ERFL: variants seen among roughly 807,000 people sequenced by gnomAD.
ERFL encodes ETS repressor factor like.
In ERFL, 8 loss-of-function variants were observed where a neutral mutation model predicts 27.9. That is an observed-to-expected ratio of 0.29 (90% CI 0.17 to 0.52). The LOEUF is 0.52. Ranked by LOEUF, ERFL falls within the 20% of genes least tolerant of loss-of-function variation. The pLI, the probability that ERFL is intolerant of heterozygous loss-of-function variation, is 0.97. For missense variants in ERFL, 294 were observed against 444.4 expected (o/e 0.66, Z 3.04); for synonymous variants, 174 against 202.8 (o/e 0.86, Z 1.21).
Position 41,917,364 on chromosome 19 carries a change from C to T in ERFL, c.-13-4432G>A, listed in dbSNP as rs1289042549. Among the ~76,000 whole-genome samples, 1 of 152,008 alleles carries T rather than the reference C, an allele frequency of 6.6e-6. No homozygotes were observed. The highest frequency in any genetic ancestry group is 2.4e-5 in the African/African-American group (1 of 41,350). On this transcript the variant is annotated intron_variant, in intron 1 of 5. Transcript: ENST00000597630. The surrounding 1 kb of genome is among the most constrained non-coding windows in gnomAD (Gnocchi z 4.8). ...TCCTAACGCCCCATCACCACGCCCC[C>T]CTGGGCTGGGGTTTAACCAGTTGTT... is the stretch of plus-strand genomic sequence containing the variant.
At chr19:41,923,226 G>C in intron 1 of ERFL, 2 of 455,858 alleles carry the variant, frequency 4.4e-6, no homozygotes, top group South Asian at 1.6e-5. Flanking sequence ...GCCTGGACTT[G>C]AATGCAGGTC....
At chr19:41,913,820 A>G (rs191715782) in intron 1 of ERFL, among the ~76,000 whole-genome samples, 296 of 141,286 alleles carry the variant, frequency 2.1e-3, no homozygotes, top group African/African-American at 7.4e-3. Flanking sequence ...CACCCTTGCA[A>G]TCCACTCCCT....
intron 1 of ERFL, among the ~76,000 whole-genome samples, chr19:41,920,001 TGAC>T (rs1354797604): frequency 8.1e-6 from 1 of 123,302 alleles, no homozygotes; most frequent in Non-Finnish European, 1.7e-5. Flanking sequence ...CACCCAGACA[TGAC>T]GAACTCACAG....
At chr19:41,919,184 A>G (rs1403148294) in intron 1 of ERFL, among the ~76,000 whole-genome samples, 1 of 152,034 alleles carries the variant, frequency 6.6e-6, no homozygotes. Context: ...TCAATACCAC[A>G]CCTTGTAATC....
rs1186803622 is a variant in ERFL, at chr19:41,907,836, C to A, written c.*392G>T. On this transcript the variant is annotated 3_prime_UTR_variant, in exon 6 of 6. Coordinates refer to ENST00000597630, the MANE Select transcript of ERFL (RefSeq NM_001365103.2). ...GGGGTTATTGCTCTGAGCTCCCTGTCCCCAGGGGGGCCTATATGGGGGGGG... is the reference window on the plus strand; with the variant it reads ...GGGGTTATTGCTCTGAGCTCCCTGTACCCAGGGGGGCCTATATGGGGGGGG... 2.2e-5 allele frequency: 4 copies of A among 180,108 alleles called. No individual in the cohort carries two copies. Among genetic ancestry groups the A allele is most frequent in the Admixed American group, 6.2e-5 (1 of 16,116 alleles). 11.2% of individuals were successfully genotyped at this position (180,108 alleles called of 1,614,324 possible). A position where few individuals can be genotyped will look rare whatever the true frequency, so the allele number is the denominator to read the frequency against.
At position 41,916,506 on chromosome 19, in the gene ERFL, TCA is replaced by T. The variant is rs1555851955; in HGVS notation, c.-13-3576_-13-3575del. ...ACACACATGACACATCAATTCAATC[TCA>T]CACAGAAACAAAGACACAAAATCAC... On this transcript the variant is annotated intron_variant, in intron 1 of 5. Coordinates refer to ENST00000597630, the MANE Select transcript of ERFL (RefSeq NM_001365103.2). This position sits in a 1 kb window ranked among gnomAD's most constrained non-coding sequence, Gnocchi z 5.4. Among the ~76,000 whole-genome samples, 2 of 151,034 alleles carry T rather than the reference TCA, an allele frequency of 1.3e-5. No homozygotes were observed. Among genetic ancestry groups the T allele is most frequent in the African/African-American group, 4.9e-5 (2 of 40,964 alleles).
intron 1 of ERFL, among the ~76,000 whole-genome samples, chr19:41,920,123 T>C (rs571127424): frequency 3.3e-5 from 3 of 91,044 alleles, no homozygotes; most frequent in African/African-American, 1.4e-4. Context: ...CATGACACGC[T>C]CACACATGCG....
At chr19:41,915,936 C>A (rs1034257799) in intron 1 of ERFL, among the ~76,000 whole-genome samples, 8 of 152,076 alleles carry the variant, frequency 5.3e-5, no homozygotes, top group South Asian at 2.1e-4. Context: ...TCCCCCACCC[C>A]CCTCCCCCCC....
At chr19:41,920,067 T>C (rs2074830306) in intron 1 of ERFL, among the ~76,000 whole-genome samples, 2 of 115,276 alleles carry the variant, frequency 1.7e-5, no homozygotes, top group Non-Finnish European at 3.4e-5. Flanking sequence ...CACCCAGATG[T>C]GACACACTCA....
intron 1 of ERFL, among the ~76,000 whole-genome samples, chr19:41,919,711 G>A (rs2074826828): frequency 1.3e-5 from 2 of 152,178 alleles, no homozygotes; most frequent in South Asian, 4.2e-4. Context: ...CCAGCTGCCG[G>A]GGTCCTCTCA....
Position 41,908,412 on chromosome 19 carries a change from GCCAGGCCCGAGGGGCGCTCGGGGC to G in ERFL, c.857_880del (p.Gly286_Leu293del). The G allele has an allele frequency of 8.1e-7, 1 of 1,231,240 alleles. No individual in the cohort carries two copies. The highest frequency in any genetic ancestry group is 1.0e-6 in the Non-Finnish European group (1 of 987,628). 76.3% of individuals were successfully genotyped at this position (1,231,240 alleles called of 1,614,324 possible). Reference sequence around the variant, plus strand: ...TGGCAGCGCCAGGCGAGGGGCCGCTGCCAGGCCCGAGGGGCGCTCGGGGCCCAGGCCCTCCCCTGTCGAGGCCAG... The same window carrying G: ...TGGCAGCGCCAGGCGAGGGGCCGCTGCCAGGCCCTCCCCTGTCGAGGCCAG... On this transcript the variant is annotated inframe_deletion, in exon 6 of 6. Coordinates refer to ENST00000597630, the MANE Select transcript of ERFL (RefSeq NM_001365103.2). The surrounding 1 kb of genome is among the most constrained non-coding windows in gnomAD (Gnocchi z 6.7).
intron 2 of ERFL, 66 bp downstream of exon 2, chr19:41,912,787 G>C: frequency 1.8e-6 from 1 of 550,686 alleles, no homozygotes; most frequent in Non-Finnish European, 2.7e-6. Flanking sequence ...GGAGAGAAGG[G>C]GGATGCGGCT....
At chr19:41,919,669 C>T (rs2074825877) in intron 1 of ERFL, among the ~76,000 whole-genome samples, 1 of 152,118 alleles carries the variant, frequency 6.6e-6, no homozygotes, top group Non-Finnish European at 1.5e-5. Context: ...GGCTCTTCCT[C>T]AGCTGCGTCC....
In ERFL at chr19:41,921,374, C is replaced by T. The variant is rs139793677; in HGVS notation, c.-14+6666G>A. Among the ~76,000 whole-genome samples, 7 of 151,998 alleles carry T rather than the reference C, an allele frequency of 4.6e-5. No individual in the cohort carries two copies. The highest frequency in any genetic ancestry group is 3.9e-4 in the East Asian group (2 of 5,172). On this transcript the variant is annotated intron_variant, in intron 1 of 5. Coordinates refer to ENST00000597630, the MANE Select transcript of ERFL (RefSeq NM_001365103.2). This position sits in a 1 kb window ranked among gnomAD's most constrained non-coding sequence, Gnocchi z 4.4. ...ACGGAGGGAGATGGAGGGGGATAGG[C>T]GGGACATGGGGAACCCCACCAGGGG...
Position 41,909,851 on chromosome 19 carries a change from G to A in ERFL, c.302+12C>T. 6.2e-7 allele frequency: 1 copy of A among 1,600,062 alleles called. No homozygotes were observed. Reference sequence around the variant, plus strand: ...AGGACAAGGTGGGATCCAGCCCCAAGCCCTTCCTCACCGCAGGGCCCGGCT... The same window carrying A: ...AGGACAAGGTGGGATCCAGCCCCAAACCCTTCCTCACCGCAGGGCCCGGCT... On this transcript the variant is annotated intron_variant, in intron 3 of 5. Transcript: ENST00000597630. This position sits in a 1 kb window ranked among gnomAD's most constrained non-coding sequence, Gnocchi z 5.2.
In ERFL at chr19:41,909,554, C is replaced by T; in HGVS notation, c.303-83G>A. On this transcript the variant is annotated intron_variant, in intron 3 of 5. Coordinates refer to ENST00000597630, the MANE Select transcript of ERFL (RefSeq NM_001365103.2). The surrounding 1 kb of genome is among the most constrained non-coding windows in gnomAD (Gnocchi z 5.2). ...GGGTTTCTTAATGCGTGTGCTGTCC[C>T]AGGCATGGTGCACAGAGCACTAGAA... The T allele has an allele frequency of 1.9e-6, 2 of 1,050,718 alleles. No homozygotes were observed. Among genetic ancestry groups the T allele is most frequent in the Non-Finnish European group, 2.5e-6 (2 of 803,706 alleles). The allele number at this position is 1,050,718 out of a possible 1,614,324, so 65.1% of individuals were successfully genotyped here.
rs1162252118 is a variant in ERFL, at chr19:41,921,749, G to A, written c.-14+6291C>T. Among the ~76,000 whole-genome samples the A allele has an allele frequency of 6.6e-6, 1 of 152,076 alleles. No homozygotes were observed. The highest frequency in any genetic ancestry group is 1.5e-5 in the Non-Finnish European group (1 of 67,996). ...TGGAGGTGGAGTGGAAGGCTCAGGT[G>A]TAGGCCGGGTGGCGGGCAGACCTAA... On this transcript the variant is annotated intron_variant, in intron 1 of 5. Transcript: ENST00000597630. The surrounding 1 kb of genome is among the most constrained non-coding windows in gnomAD (Gnocchi z 4.4).
At chr19:41,919,821 G>C (rs554194814) in intron 1 of ERFL, among the ~76,000 whole-genome samples, 4 of 151,940 alleles carry the variant, frequency 2.6e-5, no homozygotes, top group Non-Finnish European at 5.9e-5. Flanking sequence ...GGCCTACCCT[G>C]CACAGCCACA....
intron 1 of ERFL, among the ~76,000 whole-genome samples, chr19:41,927,307 C>T (rs1430758742): frequency 6.6e-6 from 1 of 152,152 alleles, no homozygotes; most frequent in Admixed American, 6.5e-5. Context: ...GCCTGTACTC[C>T]TTGCCCCGAA....
Sources: allele counts gnomAD v4.1 joint callset (sites outside exome capture counted in the v4.1 genomes callset), GRCh38; gene constraint gnomAD v4.1.1; non-coding constraint Gnocchi (gnomAD v3.1); transcripts MANE v1.5; gene names NCBI Gene and HGNC (gene_info 2026-07-23, HGNC 2026-07-21).